Variants in MGAT4D observed in about 807,000 individuals in gnomAD.
The protein encoded by MGAT4D is alpha-1,3-mannosyl-glycoprotein 4-beta-N-acetylglucosaminyltransferase-like protein MGAT4D.
A neutral mutation model predicts 15.9 loss-of-function variants in MGAT4D; 34 were observed. The observed-to-expected ratio is 2.14, with a 90% confidence interval of 1.62 to 2.84. The LOEUF is 2.84. Ranked by LOEUF, MGAT4D falls within the 30% of genes most tolerant of loss-of-function variation. The probability of loss-of-function intolerance (pLI) is 0.00; values close to 1 mark genes in which losing one functional copy is unlikely to be tolerated. For missense variants in MGAT4D, 327 were observed against 140.2 expected (o/e 2.33, Z -6.73); for synonymous variants, 112 against 48.2 (o/e 2.33, Z -5.49).
At chr4:140,481,691 G>A (rs1015886230) in intron 2 of MGAT4D, among the ~76,000 whole-genome samples, 4 of 152,222 alleles carry the variant, frequency 2.6e-5, no homozygotes, top group African/African-American at 4.8e-5. Flanking sequence ...AGTGATAGAA[G>A]CAAGTTTCAA....
Position 140,498,135 on chromosome 4 carries a change from G to C in MGAT4D, c.88C>G (p.Gln30Glu), listed in dbSNP as rs1302867084. 2 of 702,016 alleles carry C rather than the reference G, an allele frequency of 2.8e-6. No individual in the cohort carries two copies. Among genetic ancestry groups the C allele is most frequent in the African/African-American group, 3.5e-5 (2 of 57,190 alleles). The allele number at this position is 702,016 out of a possible 1,614,324, so 43.5% of individuals were successfully genotyped here. The change falls in exon 1 of 11, where the codon CAA (glutamine) becomes GAA (glutamate). Residue 30 changes from glutamine (Q) to glutamate (E), a missense_variant. Gln to Glu is a conservative substitution (Grantham distance 29). Transcript: ENST00000511113. ...FSCFSIYRIT[Q>E]TNNQLINCRN... ...AGGAGGGCCCGCCGCTTACTGGTTT[G>C]AGTTATCCTGTAGATGGAGAAGCAA...
At chr4:140,470,043 C>T (rs1731817501) in intron 5 of MGAT4D, among the ~76,000 whole-genome samples, 1 of 152,258 alleles carries the variant, frequency 6.6e-6, no homozygotes, top group Admixed American at 6.5e-5. Context: ...CTTTCAGCTC[C>T]CGCGGTGGCG....
intron 5 of MGAT4D, among the ~76,000 whole-genome samples, chr4:140,470,930 G>A (rs1283460274): frequency 6.7e-6 from 1 of 149,058 alleles, no homozygotes; most frequent in Non-Finnish European, 1.5e-5. Flanking sequence ...TATCACTCAG[G>A]TAGGAGTGCA....
In MGAT4D at chr4:140,479,612, T is replaced by C. The variant is rs536580918; in HGVS notation, c.269A>G (p.Asp90Gly). The change falls in exon 3 of 11, where the codon GAC becomes GGC. Residue 90 changes from aspartate (D) to glycine (G), a missense_variant. Coordinates refer to ENST00000511113, the MANE Select transcript of MGAT4D (RefSeq NM_001277353.2). ...LSGNLVAQKA[D>G]ILNKNETVSN... The stretch of plus-strand genomic sequence containing the variant: ...TACTGTTTCATTTTTATTTAATATG[T>C]CTGCTTTCTGTGCAACTGAAAGAAA... The C allele has an allele frequency of 1.2e-5, 6 of 483,514 alleles. No homozygotes were observed. Among genetic ancestry groups the C allele is most frequent in the Non-Finnish European group, 2.2e-5 (6 of 274,420 alleles). 30.0% of individuals were successfully genotyped at this position (483,514 alleles called of 1,614,324 possible). A position where few individuals can be genotyped will look rare whatever the true frequency, so the allele number is the denominator to read the frequency against.
chr4:140,496,516 A>T (rs1578734206), intron 1 of MGAT4D, among the ~76,000 whole-genome samples: 1 of 152,310 alleles, frequency 6.6e-6, no homozygotes, highest in East Asian at 1.9e-4. Context: ...TAATGGTATT[A>T]AAACTTCTGA....
intron 2 of MGAT4D, among the ~76,000 whole-genome samples, chr4:140,481,234 G>T (rs1732705613): frequency 6.6e-6 from 1 of 152,118 alleles, no homozygotes; most frequent in Admixed American, 6.5e-5. Context: ...GGGCCCAGGA[G>T]GTGGAGGCTG....
intron 7 of MGAT4D, 53 bp downstream of exon 7, chr4:140,461,876 T>C (rs1452941949): frequency 1.1e-5 from 6 of 539,900 alleles, no homozygotes; most frequent in Admixed American, 5.8e-5. Context: ...ATATAATTGG[T>C]GTATACACAC....
intron 1 of MGAT4D, among the ~76,000 whole-genome samples, chr4:140,491,254 G>A (rs1004109466): frequency 3.3e-5 from 5 of 151,984 alleles, no homozygotes; most frequent in Admixed American, 1.3e-4. Context: ...CTATTTTGTC[G>A]GCATATTCCC....
At chr4:140,454,528 C>T (rs1343826275) in intron 9 of MGAT4D, among the ~76,000 whole-genome samples, 1 of 152,052 alleles carries the variant, frequency 6.6e-6, no homozygotes, top group Non-Finnish European at 1.5e-5. Context: ...ATTTTTCTGT[C>T]TATATACTTG....
chr4:140,460,259 A>G (rs1295074814), intron 7 of MGAT4D, among the ~76,000 whole-genome samples: 1 of 152,180 alleles, frequency 6.6e-6, no homozygotes, highest in East Asian at 1.9e-4. Context: ...AATACCATAG[A>G]ATGGGTAGTT....
At chr4:140,444,779 G>A (rs1030582303) in intron 10 of MGAT4D, among the ~76,000 whole-genome samples, 1 of 152,014 alleles carries the variant, frequency 6.6e-6, no homozygotes, top group Non-Finnish European at 1.5e-5. Context: ...AGTTATTTGA[G>A]GAATTGCCAC....
At chr4:140,460,917 C>T (rs1263678255) in intron 7 of MGAT4D, among the ~76,000 whole-genome samples, 1 of 152,168 alleles carries the variant, frequency 6.6e-6, no homozygotes, top group Non-Finnish European at 1.5e-5. Flanking sequence ...AAAGGTGCCA[C>T]GTTCTATCTC....
intron 2 of MGAT4D, among the ~76,000 whole-genome samples, chr4:140,479,997 A>G (rs891405429): frequency 2.6e-5 from 4 of 152,172 alleles, no homozygotes; most frequent in African/African-American, 4.8e-5. Flanking sequence ...TGTAGCCCCT[A>G]AAATTTAATG....
At chr4:140,474,568 G>A (rs551623355) in intron 4 of MGAT4D, among the ~76,000 whole-genome samples, 20 of 152,232 alleles carry the variant, frequency 1.3e-4, no homozygotes, top group African/African-American at 4.6e-4. Context: ...TTCAAATTTA[G>A]CAATCTTATA....
At chr4:140,477,412 G>T (rs1200925922) in intron 3 of MGAT4D, among the ~76,000 whole-genome samples, 1 of 152,206 alleles carries the variant, frequency 6.6e-6, no homozygotes, top group East Asian at 1.9e-4. Context: ...CCAGAACAGA[G>T]TAGAAGCTTA....
chr4:140,466,133 A>G (rs1214192896), intron 5 of MGAT4D, among the ~76,000 whole-genome samples: 2 of 151,494 alleles, frequency 1.3e-5, no homozygotes, highest in Non-Finnish European at 2.9e-5. Flanking sequence ...GGTAATCCAA[A>G]GAGGAAATTG....
At chr4:140,476,031 C>G (rs371960064) in intron 3 of MGAT4D, among the ~76,000 whole-genome samples, 1 of 151,948 alleles carries the variant, frequency 6.6e-6, no homozygotes, top group Non-Finnish European at 1.5e-5. Flanking sequence ...AGGCTGGTCT[C>G]GAACTCCTGA....
chr4:140,446,165 G>T (rs1228000537), intron 10 of MGAT4D, among the ~76,000 whole-genome samples: 1 of 152,096 alleles, frequency 6.6e-6, no homozygotes, highest in Non-Finnish European at 1.5e-5. Flanking sequence ...TTTGGTATCA[G>T]GATGATGCTA....
chr4:140,454,664 T>C (rs1286845105), intron 9 of MGAT4D, among the ~76,000 whole-genome samples: 1 of 152,188 alleles, frequency 6.6e-6, no homozygotes, highest in Non-Finnish European at 1.5e-5. Context: ...GAAGGTATTA[T>C]ATACAATTGT....
Sources: gnomAD v4.1 joint callset for allele counts (sites outside exome capture counted in the v4.1 genomes callset) on GRCh38, gnomAD v4.1.1 for gene constraint, MANE v1.5 for transcripts, NCBI Gene and HGNC (gene_info 2026-07-23, HGNC 2026-07-21) for gene names.